KCNQ1: variants seen among roughly 807,000 people sequenced by gnomAD.
KCNQ1 encodes potassium voltage-gated channel subfamily KQT member 1.
A neutral mutation model predicts 72.4 loss-of-function variants in KCNQ1; 49 were observed. The observed-to-expected ratio is 0.68, with a 90% CI of 0.54 to 0.86. The LOEUF (loss-of-function observed/expected upper bound fraction) is 0.86. Ranked by LOEUF, KCNQ1 falls within the 40% of genes least tolerant of loss-of-function variation. The pLI is 0.00. For missense variants in KCNQ1, 790 were observed against 945.1 expected (o/e 0.84, Z 2.15); for synonymous variants, 450 against 412.6 (o/e 1.09, Z -1.10).
In KCNQ1 at chr11:2,672,426, C is replaced by T. The variant is rs555495135; in HGVS notation, c.1514+10345C>T. The T allele has an allele frequency of 1.6e-4, 64 of 398,552 alleles. No homozygotes were observed. The highest frequency in any genetic ancestry group is 1.1e-3 in the African/African-American group (55 of 48,696). The allele number at this position is 398,552 out of a possible 1,614,324, so 24.7% of individuals were successfully genotyped here. A position where few individuals can be genotyped will look rare whatever the true frequency, so the allele number is the denominator to read the frequency against. On this transcript the variant is annotated intron_variant, in intron 11 of 15. Coordinates refer to ENST00000155840, the MANE Select transcript of KCNQ1 (RefSeq NM_000218.3). ...TAGGGGATGAGAGTACAGAACAGTCCACCCCAGGGGCTCTGAAGAGCTTCA... is the reference window on the plus strand; with the variant it reads ...TAGGGGATGAGAGTACAGAACAGTCTACCCCAGGGGCTCTGAAGAGCTTCA...
chr11:2,822,027 A>T (rs1413375898), intron 15 of KCNQ1, among the ~76,000 whole-genome samples: 1 of 152,136 alleles, frequency 6.6e-6, no homozygotes, highest in Admixed American at 6.5e-5. Flanking sequence ...TCTAAGAGGG[A>T]GGCAGGAGGG....
chr11:2,465,417 G>C (rs1384117425), intron 1 of KCNQ1, among the ~76,000 whole-genome samples: 1 of 152,226 alleles, frequency 6.6e-6, no homozygotes, highest in Non-Finnish European at 1.5e-5. Flanking sequence ...GATCCTCCAA[G>C]GTCCAGCCAG....
chr11:2,655,477 T>G, intron 10 of KCNQ1: 1 of 398,706 alleles, frequency 2.5e-6, no homozygotes, highest in Non-Finnish European at 4.4e-6. Flanking sequence ...CGGTACCTCC[T>G]GCAGAGCCTG....
At position 2,457,824 on chromosome 11, in the gene KCNQ1, A is replaced by T. The variant is rs1846218762; in HGVS notation, c.386+12340A>T. On this transcript the variant is annotated intron_variant, in intron 1 of 15. Transcript: ENST00000155840. The surrounding 1 kb of genome is among the most constrained non-coding windows in gnomAD (Gnocchi z 5.0). ...ACTTTTGGCATGGGAGAAAAAAAAA[A>T]AAAACAGATGTAAGTTAGAAGAGGT... Among the ~76,000 whole-genome samples the T allele has an allele frequency of 2.0e-5, 3 of 152,146 alleles. No homozygotes were observed. The highest frequency in any genetic ancestry group is 2.4e-5 in the African/African-American group (1 of 41,436).
chr11:2,571,730 GC>G (rs577571193), intron 4 of KCNQ1, among the ~76,000 whole-genome samples: 1 of 152,122 alleles, frequency 6.6e-6, no homozygotes, highest in African/African-American at 2.4e-5. Flanking sequence ...GACCCAAGGA[GC>G]CCCCCAGAAG....
At chr11:2,804,024 A>G (rs1847327016) in intron 15 of KCNQ1, among the ~76,000 whole-genome samples, 1 of 152,182 alleles carries the variant, frequency 6.6e-6, no homozygotes, top group African/African-American at 2.4e-5. Flanking sequence ...CAGAGGGGAA[A>G]GGACGGGATG....
Position 2,783,544 on chromosome 11 carries a change from A to G in KCNQ1, c.1794+5507A>G, listed in dbSNP as rs1846861383. ...CTTGATCTATTATTACTGAGAAGGC[A>G]TAGGGCAAATTTCTGTTTAACTTTC... On this transcript the variant is annotated intron_variant, in intron 15 of 15. Transcript: ENST00000155840. The surrounding 1 kb of genome is among the most constrained non-coding windows in gnomAD (Gnocchi z 5.2). Among the ~76,000 whole-genome samples, 1 of 152,120 alleles carries G rather than the reference A, an allele frequency of 6.6e-6. No individual in the cohort carries two copies. Among genetic ancestry groups the G allele is most frequent in the Non-Finnish European group, 1.5e-5 (1 of 67,948 alleles).
chr11:2,729,014 G>T (rs1461308477), intron 11 of KCNQ1, among the ~76,000 whole-genome samples: 1 of 152,242 alleles, frequency 6.6e-6, no homozygotes, highest in Non-Finnish European at 1.5e-5. Context: ...TGTTGTGCAT[G>T]CAGGGCTGGC....
rs76173700 is a variant in KCNQ1, at chr11:2,809,236, T to C, written c.1794+31199T>C. Among the ~76,000 whole-genome samples the C allele has an allele frequency of 0.033, 4,956 of 152,224 alleles. 240 individuals are homozygous for C. The highest frequency in any genetic ancestry group is 0.11 in the African/African-American group (4,535 of 41,508). On this transcript the variant is annotated intron_variant, in intron 15 of 15. Transcript: ENST00000155840. This position sits in a 1 kb window ranked among gnomAD's most constrained non-coding sequence, Gnocchi z 7.1. ...AGAAACCAAAGTAAAACAGAAGGAA[T>C]TGCTGAATTCAGATAAATGTTTCTT...
intron 15 of KCNQ1, among the ~76,000 whole-genome samples, chr11:2,792,879 CT>C (rs900634610): frequency 6.6e-6 from 1 of 151,820 alleles, no homozygotes; most frequent in Non-Finnish European, 1.5e-5. Flanking sequence ...ACGCAGCCCC[CT>C]GCCCCTCGCC....
intron 15 of KCNQ1, among the ~76,000 whole-genome samples, chr11:2,786,422 T>G (rs1049014343): frequency 6.6e-6 from 1 of 152,138 alleles, no homozygotes; most frequent in Non-Finnish European, 1.5e-5. Context: ...TTTCTTTTTT[T>G]CTGCCTGAGC....
intron 2 of KCNQ1, among the ~76,000 whole-genome samples, chr11:2,552,153 TTCTG>T (rs774853802): frequency 1.3e-5 from 2 of 152,206 alleles, no homozygotes; most frequent in African/African-American, 2.4e-5. Context: ...GTTCTTTGTG[TTCTG>T]TCTAAGAAAT....
At chr11:2,470,834 T>C (rs1846439837) in intron 1 of KCNQ1, among the ~76,000 whole-genome samples, 1 of 152,166 alleles carries the variant, frequency 6.6e-6, no homozygotes. Context: ...AGAGCAAACG[T>C]TTTGACTTTG....
In KCNQ1 at chr11:2,458,615, T is replaced by A. The variant is rs1846228972; in HGVS notation, c.386+13131T>A. Among the ~76,000 whole-genome samples, 1 of 151,834 alleles carries A rather than the reference T, an allele frequency of 6.6e-6. No homozygotes were observed. The highest frequency in any genetic ancestry group is 1.5e-5 in the Non-Finnish European group (1 of 67,968). ...GGACAGTGCACAGAAAGTGCTCCCA[T>A]CCACAATGCTTCCTTGCCTGGATGG... On this transcript the variant is annotated intron_variant, in intron 1 of 15. Transcript: ENST00000155840. This position sits in a 1 kb window ranked among gnomAD's most constrained non-coding sequence, Gnocchi z 4.6.
chr11:2,671,983 CCT>C lies in KCNQ1; in HGVS notation c.1514+9903_1514+9904del, dbSNP rs1433710564. 5.0e-6 allele frequency: 2 copies of C among 398,414 alleles called. No homozygotes were observed. Among genetic ancestry groups the C allele is most frequent in the Non-Finnish European group, 8.8e-6 (2 of 226,072 alleles). 24.7% of individuals were successfully genotyped at this position (398,414 alleles called of 1,614,324 possible). A position where few individuals can be genotyped will look rare whatever the true frequency, so the allele number is the denominator to read the frequency against. On this transcript the variant is annotated intron_variant, in intron 11 of 15. Transcript: ENST00000155840. The surrounding 1 kb of genome is among the most constrained non-coding windows in gnomAD (Gnocchi z 4.7). The stretch of plus-strand genomic sequence containing the variant: ...GTGGGCTAAAAAGTCAGCTAGCACC[CCT>C]GACTTCAAGTCCTCGAGTGTATGTT...
At chr11:2,742,519 G>A (rs920909298) in intron 11 of KCNQ1, among the ~76,000 whole-genome samples, 2 of 152,154 alleles carry the variant, frequency 1.3e-5, no homozygotes, top group African/African-American at 2.4e-5. Context: ...GGTCCTGGGG[G>A]CCCTGGGCTC....
chr11:2,585,159 C>T, intron 7 of KCNQ1, 53 bp from the exon 8 acceptor site: 3 of 1,505,140 alleles, frequency 2.0e-6, no homozygotes, highest in East Asian at 4.5e-5. Context: ...TGAGGCTGCA[C>T]CCAGCTGGCA....
rs1465073226 is a variant in KCNQ1, at chr11:2,787,097, C to G, written c.1794+9060C>G. ...TATGTGGGTGTACTGCCAGCCTGGA[C>G]TTTTAATTCTAGGCTCAAAGTTTTC... On this transcript the variant is annotated intron_variant, in intron 15 of 15. Transcript: ENST00000155840. The surrounding 1 kb of genome is among the most constrained non-coding windows in gnomAD (Gnocchi z 6.3). 6.6e-6 allele frequency among the ~76,000 whole-genome samples: 1 copy of G among 152,104 alleles called. No homozygotes were observed. The highest frequency in any genetic ancestry group is 1.5e-5 in the Non-Finnish European group (1 of 68,020).
At chr11:2,667,175 G>A in intron 11 of KCNQ1, 2 of 398,672 alleles carry the variant, frequency 5.0e-6, no homozygotes, top group East Asian at 3.6e-5. Context: ...CTTCCAGCCT[G>A]CCATCAGCCC....
Sources: allele counts gnomAD v4.1 joint callset (sites outside exome capture counted in the v4.1 genomes callset), GRCh38; gene constraint gnomAD v4.1.1; non-coding constraint Gnocchi (gnomAD v3.1); transcripts MANE v1.5; gene names NCBI Gene and HGNC (gene_info 2026-07-23, HGNC 2026-07-21).